The following GPC5 variants were observed in gnomAD, a reference collection of about 807,000 sequenced individuals.
GPC5 encodes glypican-5.
A neutral mutation model predicts 53.9 loss-of-function variants in GPC5; 47 were observed. The observed-to-expected ratio is 0.87, with a 90% CI of 0.69 to 1.11. The LOEUF is 1.11. Among genes scored for constraint, GPC5 ranks in the 50% most tolerant of loss-of-function variants. The pLI is 0.00. For synonymous variants in GPC5, 286 were observed against 263.3 expected (o/e 1.09, Z -0.84); for missense variants, 748 against 713.1 (o/e 1.05, Z -0.56).
At chr13:92,613,394 A>AATATATTATATTAT (rs1884528638) in intron 7 of GPC5, among the ~76,000 whole-genome samples, 1 of 64,774 alleles carries the variant, frequency 1.5e-5, no homozygotes, top group Non-Finnish European at 2.9e-5. Context: ...ATTATATATA[A>AATATATTATATTAT]ATATATATTA....
chr13:92,836,653 G>A (rs1878229608), intron 7 of GPC5, among the ~76,000 whole-genome samples: 1 of 151,800 alleles, frequency 6.6e-6, no homozygotes, highest in African/African-American at 2.4e-5. Flanking sequence ...TGATATTTTT[G>A]CATACAATTA....
At chr13:91,496,385 T>C (rs1310800192) in intron 2 of GPC5, among the ~76,000 whole-genome samples, 1 of 152,158 alleles carries the variant, frequency 6.6e-6, no homozygotes, top group East Asian at 1.9e-4. Context: ...CCTAAGTGTC[T>C]ATCAACAGAC....
chr13:92,402,426 A>T (rs1240515811), intron 7 of GPC5, among the ~76,000 whole-genome samples: 1 of 152,196 alleles, frequency 6.6e-6, no homozygotes. Flanking sequence ...GGTTTCTGAG[A>T]TACTTTGAGC....
chr13:92,083,688 G>T (rs1241486517), intron 6 of GPC5, among the ~76,000 whole-genome samples: 1 of 152,122 alleles, frequency 6.6e-6, no homozygotes, highest in African/African-American at 2.4e-5. Context: ...ATTCCTCTGG[G>T]TATATACCCA....
At chr13:92,759,016 T>TTTTTTG (rs1875040137) in intron 7 of GPC5, among the ~76,000 whole-genome samples, 1 of 143,100 alleles carries the variant, frequency 7.0e-6, no homozygotes, top group African/African-American at 2.5e-5. Context: ...TTTTTTTTTT[T>TTTTTTG]TTTGGTGCTG....
At chr13:92,831,610 G>A (rs1353989246) in intron 7 of GPC5, among the ~76,000 whole-genome samples, 1 of 152,102 alleles carries the variant, frequency 6.6e-6, no homozygotes, top group East Asian at 1.9e-4. Flanking sequence ...GACTCTTTGA[G>A]TTGCAAGAAA....
chr13:92,269,564 C>A (rs577173702), intron 7 of GPC5, among the ~76,000 whole-genome samples: 1 of 152,220 alleles, frequency 6.6e-6, no homozygotes, highest in African/African-American at 2.4e-5. Context: ...TGCCACCATG[C>A]CCGGCTAAGT....
chr13:92,728,598 T>G (rs533473643), intron 7 of GPC5, among the ~76,000 whole-genome samples: 5 of 136,866 alleles, frequency 3.7e-5, no homozygotes, highest in Non-Finnish European at 7.4e-5. Flanking sequence ...GGGTAGGAAT[T>G]TAAATGTTGA....
intron 6 of GPC5, among the ~76,000 whole-genome samples, chr13:92,026,040 C>A (rs2040798125): frequency 1.3e-5 from 2 of 152,126 alleles, no homozygotes; most frequent in South Asian, 4.1e-4. Context: ...TTCCACAGCA[C>A]TTCCGAGCAG....
intron 7 of GPC5, among the ~76,000 whole-genome samples, chr13:92,737,238 A>G (rs1447763670): frequency 2.0e-5 from 3 of 152,184 alleles, no homozygotes; most frequent in Admixed American, 1.3e-4. Context: ...TGTATGCTGA[A>G]TTAAATTGAA....
chr13:92,324,732 A>G (rs183616504), intron 7 of GPC5, among the ~76,000 whole-genome samples: 58 of 151,980 alleles, frequency 3.8e-4, no homozygotes, highest in South Asian at 6.2e-4. Flanking sequence ...GCTGTACTAT[A>G]TATCATTCTA....
intron 7 of GPC5, among the ~76,000 whole-genome samples, chr13:92,294,513 ATCT>A (rs1330866819): frequency 6.6e-6 from 1 of 152,036 alleles, no homozygotes; most frequent in Non-Finnish European, 1.5e-5. Flanking sequence ...GCCTTGAGTG[ATCT>A]TCTGTATTTC....
intron 7 of GPC5, among the ~76,000 whole-genome samples, chr13:92,406,066 T>G (rs991041978): frequency 5.3e-5 from 8 of 152,350 alleles, no homozygotes; most frequent in Admixed American, 2.0e-4. Context: ...AGGTCATTTT[T>G]TCTATTTAAC....
chr13:91,451,351 C>T (rs946012274), intron 2 of GPC5, among the ~76,000 whole-genome samples: 6 of 152,132 alleles, frequency 3.9e-5, no homozygotes, highest in South Asian at 2.1e-4. Context: ...TGTGACCCCA[C>T]GGAAACATAT....
At chr13:91,888,263 T>A (rs1211462851) in intron 5 of GPC5, among the ~76,000 whole-genome samples, 1 of 152,062 alleles carries the variant, frequency 6.6e-6, no homozygotes, top group Admixed American at 6.6e-5. Flanking sequence ...GAACAGCACA[T>A]GGAAAAACCC....
At chr13:91,558,852 T>G in intron 2 of GPC5, among the ~76,000 whole-genome samples, 1 of 152,084 alleles carries the variant, frequency 6.6e-6, no homozygotes, top group East Asian at 1.9e-4. Flanking sequence ...GGGGTTGGAC[T>G]TCCACGTTTG....
At chr13:91,858,903 G>A (rs2038995540) in intron 5 of GPC5, among the ~76,000 whole-genome samples, 1 of 151,768 alleles carries the variant, frequency 6.6e-6, no homozygotes, top group Non-Finnish European at 1.5e-5. Context: ...GTCTAGGAAT[G>A]TATCCATTTA....
At chr13:91,829,523 A>AATG (rs1301229854) in intron 5 of GPC5, among the ~76,000 whole-genome samples, 1 of 152,112 alleles carries the variant, frequency 6.6e-6, no homozygotes, top group Non-Finnish European at 1.5e-5. Flanking sequence ...CTTAGGAAAC[A>AATG]ATGTATACAC....
chr13:92,746,997 A>G lies in GPC5; in HGVS notation c.1562-119285A>G, dbSNP rs115107579. On this transcript the variant is annotated intron_variant, in intron 7 of 7. Transcript: ENST00000377067. ...GCATACCTATACAGCAAGTTACTAC[A>G]TTACATAGCGCAGGCAATTGTAACA... is the stretch of plus-strand genomic sequence containing the variant. Among the ~76,000 whole-genome samples the G allele has an allele frequency of 3.5e-3, 536 of 152,272 alleles. 2 individuals carry two copies. The highest frequency in any genetic ancestry group is 0.012 in the African/African-American group (505 of 41,582).
Sources: allele counts gnomAD v4.1 joint callset (sites outside exome capture counted in the v4.1 genomes callset), GRCh38; gene constraint gnomAD v4.1.1; transcripts MANE v1.5; gene names NCBI Gene and HGNC (gene_info 2026-07-23, HGNC 2026-07-21).